DOP1B: variants seen among roughly 807,000 people sequenced by gnomAD.
DOP1B encodes the protein protein DOP1B.
A neutral mutation model predicts 233.5 loss-of-function variants in DOP1B; 174 were observed. The ratio of observed to expected loss-of-function variants is 0.75; its 90% CI spans 0.66 to 0.85. The LOEUF is 0.85. DOP1B is among the 40% of genes least tolerant of loss of function. The pLI is 0.00. For synonymous variants in DOP1B, 1,190 were observed against 1,185.6 expected (o/e 1.00, Z -0.08); for missense variants, 2,652 against 2,846.6 (o/e 0.93, Z 1.56).
intron 18 of DOP1B, among the ~76,000 whole-genome samples, chr21:36,242,151 C>CATTATTATTATT (rs78154894): frequency 0.028 from 4,059 of 143,878 alleles, 121 homozygotes; most frequent in African/African-American, 0.072. Flanking sequence ...GTTCCTTGGG[C>CATTATTATTATT]ATTATTATTA....
intron 32 of DOP1B, among the ~76,000 whole-genome samples, chr21:36,284,893 A>G (rs1028938516): frequency 2.0e-5 from 3 of 150,126 alleles, no homozygotes; most frequent in African/African-American, 7.3e-5. Context: ...TTATATTGAC[A>G]TGATTGTAAT....
intron 15 of DOP1B, among the ~76,000 whole-genome samples, chr21:36,235,712 A>G (rs2066817127): frequency 6.6e-6 from 1 of 152,122 alleles, no homozygotes; most frequent in African/African-American, 2.4e-5. Context: ...TGGGGCACAT[A>G]GTGAGACCCT....
chr21:36,256,322 T>G (rs1268739781), intron 23 of DOP1B, among the ~76,000 whole-genome samples: 1 of 152,026 alleles, frequency 6.6e-6, no homozygotes, highest in Non-Finnish European at 1.5e-5. Flanking sequence ...ACACCTGTAG[T>G]CCCAGCCACT....
At chr21:36,279,369 G>A (rs2067389493) in intron 30 of DOP1B, among the ~76,000 whole-genome samples, 1 of 152,158 alleles carries the variant, frequency 6.6e-6, no homozygotes, top group Non-Finnish European at 1.5e-5. Flanking sequence ...AGTGAGCTGT[G>A]ATTGTGCCAC....
intron 2 of DOP1B, among the ~76,000 whole-genome samples, chr21:36,167,924 C>CTTTTGTT (rs2065929390): frequency 9.4e-6 from 1 of 106,432 alleles, no homozygotes. Flanking sequence ...ATTTTCTTTT[C>CTTTTGTT]TTTTCTTTTC....
intron 26 of DOP1B, among the ~76,000 whole-genome samples, chr21:36,269,040 C>T (rs2067259306): frequency 6.6e-6 from 1 of 152,144 alleles, no homozygotes; most frequent in South Asian, 2.1e-4. Flanking sequence ...CCCACCACCT[C>T]CTAAAAAGAA....
intron 18 of DOP1B, among the ~76,000 whole-genome samples, chr21:36,241,229 G>C (rs1293377119): frequency 6.6e-6 from 1 of 151,954 alleles, no homozygotes; most frequent in African/African-American, 2.4e-5. Context: ...AGGAGGCAGA[G>C]GTTGCAGTGA....
At chr21:36,219,576 T>C (rs1026490471) in intron 10 of DOP1B, 84 bp downstream of exon 10, 3 of 1,559,102 alleles carry the variant, frequency 1.9e-6, no homozygotes, top group South Asian at 1.2e-5. Flanking sequence ...TTACTATAAA[T>C]TGTGAAGTGG....
chr21:36,256,765 A>G (rs968886573), intron 23 of DOP1B, among the ~76,000 whole-genome samples: 2 of 106,614 alleles, frequency 1.9e-5, no homozygotes, highest in African/African-American at 9.1e-5. Context: ...CTATATCTGG[A>G]AAAAAAAAAA....
chr21:36,235,867 G>GGC lies in DOP1B; in HGVS notation c.2623-1394_2623-1393insCG, dbSNP rs900643144. Among the ~76,000 whole-genome samples the GGC allele has an allele frequency of 1.1e-4, 17 of 147,834 alleles. No individual in the cohort carries two copies. The South Asian group carries it at 1.4e-3, about 12-fold the overall frequency. On this transcript the variant is annotated intron_variant, in intron 15 of 36. Coordinates refer to ENST00000691173, the MANE Select transcript of DOP1B (RefSeq NM_001320714.2). ...CCATAGTGACAGCAAGGAAGTCGGGGGGGGGGCGGTCTACGTAGTCAAAAA... is the reference window on the plus strand; with the variant it reads ...CCATAGTGACAGCAAGGAAGTCGGGGGCGGGGGGCGGTCTACGTAGTCAAAAA...
chr21:36,214,947 G>C (rs2066542622), intron 9 of DOP1B, among the ~76,000 whole-genome samples: 1 of 152,186 alleles, frequency 6.6e-6, no homozygotes, highest in South Asian at 2.1e-4. Flanking sequence ...AGTGGCTGAG[G>C]TGGGAAGACC....
At chr21:36,235,868 G>T (rs139681929) in intron 15 of DOP1B, among the ~76,000 whole-genome samples, 5 of 147,708 alleles carry the variant, frequency 3.4e-5, no homozygotes, top group South Asian at 4.6e-4. Flanking sequence ...GAAGTCGGGG[G>T]GGGGGCGGTC....
intron 24 of DOP1B, among the ~76,000 whole-genome samples, chr21:36,263,190 C>A (rs960027251): frequency 6.8e-6 from 1 of 147,660 alleles, no homozygotes; most frequent in Non-Finnish European, 1.5e-5. Flanking sequence ...GCCGAGATCA[C>A]GCCATTGCAC....
rs1441633202 is a variant in DOP1B at position 36,200,430 on chromosome 21, C to T, written c.420C>T (p.Leu140=). 10 of 1,613,402 alleles carry T rather than the reference C, an allele frequency of 6.2e-6. No homozygotes were observed. The highest frequency in any genetic ancestry group is 1.7e-5 in the Admixed American group (1 of 59,984). ...ACTTCCTCCCACTGCAGAAGCTGCT[C>T]CTGCCCAGTCTGCAGGCCTTCATCG... is the stretch of plus-strand genomic sequence containing the variant. ...EKYFLPLQKL[L]LPSLQAFIVG... The change falls in exon 4 of 37, where the codon CTC becomes CTT. Residue 140 remains leucine (L), a synonymous_variant. Transcript: ENST00000691173.
chr21:36,196,360 G>T (rs114682924), intron 2 of DOP1B, among the ~76,000 whole-genome samples: 2,351 of 152,284 alleles, frequency 0.015, 45 homozygotes, highest in African/African-American at 0.054. Flanking sequence ...TGGTGGTGAA[G>T]CTGGATGTTG....
intron 1 of DOP1B, 54 bp from the exon 2 acceptor site, chr21:36,164,654 G>T: frequency 1.4e-6 from 2 of 1,412,734 alleles, no homozygotes; most frequent in Non-Finnish European, 1.9e-6. Context: ...GGTTGGGAAT[G>T]ATTTGTATCC....
intron 2 of DOP1B, among the ~76,000 whole-genome samples, chr21:36,185,143 T>C (rs550712112): frequency 6.6e-6 from 1 of 152,072 alleles, no homozygotes; most frequent in African/African-American, 2.4e-5. Flanking sequence ...AAAATATGTT[T>C]AAAAATTAGA....
At chr21:36,288,944 A>G (rs2067520662) in intron 34 of DOP1B, 101 bp from the exon 35 acceptor site, 4 of 1,514,958 alleles carry the variant, frequency 2.6e-6, no homozygotes, top group South Asian at 1.2e-5. Flanking sequence ...TATTCCAAAA[A>G]TTTCTTAAAA....
At chr21:36,216,675 A>C (rs959622612) in intron 9 of DOP1B, among the ~76,000 whole-genome samples, 6 of 152,190 alleles carry the variant, frequency 3.9e-5, no homozygotes, top group African/African-American at 1.4e-4. Flanking sequence ...TGTGAGCCCT[A>C]TACCAGGGAA....
Sources: gnomAD v4.1 joint callset for allele counts (sites outside exome capture counted in the v4.1 genomes callset) on GRCh38, gnomAD v4.1.1 for gene constraint, MANE v1.5 for transcripts, NCBI Gene and HGNC (gene_info 2026-07-23, HGNC 2026-07-21) for gene names.